Variants in PTPRD observed in about 807,000 individuals in gnomAD.
PTPRD encodes protein tyrosine phosphatase receptor type D.
In PTPRD, 34 loss-of-function variants were observed where a neutral mutation model predicts 214.5. The observed-to-expected ratio is 0.16, with a 90% CI of 0.12 to 0.21. PTPRD has a LOEUF of 0.21. PTPRD is among the 10% of genes least tolerant of loss of function. PTPRD has a pLI of 1.00. For synonymous variants in PTPRD, 1,128 were observed against 845.7 expected (o/e 1.33, Z -5.79); for missense variants, 2,545 against 2,398.7 (o/e 1.06, Z -1.27).
chr9:9,471,613 A>G (rs1291709164), intron 8 of PTPRD, among the ~76,000 whole-genome samples: 7 of 152,154 alleles, frequency 4.6e-5, no homozygotes, highest in Admixed American at 1.3e-4. Context: ...ATGTTTTTGT[A>G]TTCCTGATCA....
intron 5 of PTPRD, among the ~76,000 whole-genome samples, chr9:9,900,156 TC>T (rs1213862219): frequency 6.6e-6 from 1 of 152,170 alleles, no homozygotes; most frequent in Non-Finnish European, 1.5e-5. Flanking sequence ...ACTCCTTCCT[TC>T]CCTACCACAT....
At chr9:10,280,445 A>T (rs1312574114) in intron 3 of PTPRD, among the ~76,000 whole-genome samples, 1 of 152,118 alleles carries the variant, frequency 6.6e-6, no homozygotes, top group Admixed American at 6.6e-5. Flanking sequence ...CACCAAATTC[A>T]GAATGATTAG....
At chr9:10,275,522 T>A (rs900265853) in intron 3 of PTPRD, among the ~76,000 whole-genome samples, 1 of 152,132 alleles carries the variant, frequency 6.6e-6, no homozygotes, top group Non-Finnish European at 1.5e-5. Context: ...CCATAACTGG[T>A]ATTATAATCA....
intron 11 of PTPRD, among the ~76,000 whole-genome samples, chr9:8,762,602 T>C (rs2094479276): frequency 6.6e-6 from 1 of 152,142 alleles, no homozygotes; most frequent in Admixed American, 6.5e-5. Flanking sequence ...AACGGGCTCC[T>C]TCAATAGAAA....
chr9:9,763,287 T>C (rs1227161039), intron 6 of PTPRD, among the ~76,000 whole-genome samples: 1 of 152,126 alleles, frequency 6.6e-6, no homozygotes, highest in Non-Finnish European at 1.5e-5. Context: ...GATGGGTGTG[T>C]TTCTTTTCAG....
chr9:8,368,694 T>G (rs1027817119), intron 39 of PTPRD, among the ~76,000 whole-genome samples: 18 of 149,228 alleles, frequency 1.2e-4, no homozygotes, highest in Non-Finnish European at 2.7e-4. Context: ...TTTTTTTTTT[T>G]GGTTCCATTA....
chr9:10,505,321 A>G (rs1350421540), intron 2 of PTPRD, among the ~76,000 whole-genome samples: 1 of 152,172 alleles, frequency 6.6e-6, no homozygotes, highest in Admixed American at 6.6e-5. Flanking sequence ...GTCTCATTAT[A>G]TATGATATTT....
chr9:10,418,076 T>G lies in PTPRD; in HGVS notation c.-599-77059A>C, dbSNP rs190934109. On this transcript the variant is annotated intron_variant, in intron 2 of 45. Coordinates refer to ENST00000381196, the MANE Select transcript of PTPRD (RefSeq NM_002839.4). ...ACAAACGATTAAGTAATTTAGATTT[T>G]TTTAAATTAAAACTACAAGGCAAAG... is the stretch of plus-strand genomic sequence containing the variant. Among the ~76,000 whole-genome samples, 216 of 151,994 alleles carry G rather than the reference T, an allele frequency of 1.4e-3. 1 individual carries two copies. The highest frequency in any genetic ancestry group is 5.8e-3 in the South Asian group (28 of 4,826).
intron 11 of PTPRD, among the ~76,000 whole-genome samples, chr9:8,849,326 C>T (rs2097768414): frequency 6.6e-6 from 1 of 152,004 alleles, no homozygotes; most frequent in Non-Finnish European, 1.5e-5. Flanking sequence ...TAGGCAAGTG[C>T]CACCATGTCC....
At chr9:9,273,536 C>G (rs760994728) in intron 9 of PTPRD, among the ~76,000 whole-genome samples, 1 of 151,236 alleles carries the variant, frequency 6.6e-6, no homozygotes, top group Non-Finnish European at 1.5e-5. Context: ...ATTTACTATT[C>G]TAATGGAATT....
Position 9,644,339 on chromosome 9 carries a change from AGTT to A in PTPRD, c.-286-69561_-286-69559del, listed in dbSNP as rs1248933850. On this transcript the variant is annotated intron_variant, in intron 7 of 45. Transcript: ENST00000381196. ...GCTTTTGTGGTTTTCTGGGCTTCTC[AGTT>A]GATTTAATGCAGCAGAAATCAGATA... is the stretch of plus-strand genomic sequence containing the variant. Among the ~76,000 whole-genome samples, 7 of 152,268 alleles carry A rather than the reference AGTT, an allele frequency of 4.6e-5. No individual in the cohort carries two copies. In the East Asian group the frequency reaches 1.4e-3, roughly 29 times the overall value.
chr9:9,542,172 G>A (rs978050914), intron 8 of PTPRD, among the ~76,000 whole-genome samples: 1 of 151,690 alleles, frequency 6.6e-6, no homozygotes, highest in Non-Finnish European at 1.5e-5. Flanking sequence ...TGCTATCAGG[G>A]AAGAAAGATT....
chr9:10,511,932 G>A (rs1327588678), intron 2 of PTPRD, among the ~76,000 whole-genome samples: 2 of 75,482 alleles, frequency 2.6e-5, no homozygotes, highest in Non-Finnish European at 5.8e-5. Flanking sequence ...ATATATATAC[G>A]TGTATATATA....
chr9:8,389,460 A>G (rs2135677465), intron 36 of PTPRD, 53 bp from the exon 37 acceptor site: 2 of 1,412,206 alleles, frequency 1.4e-6, no homozygotes, highest in Non-Finnish European at 1.9e-6. Flanking sequence ...AAGAGGAAAC[A>G]GCCTGGGACA....
chr9:9,836,020 TACAAGGA>T (rs2056646006), intron 5 of PTPRD, among the ~76,000 whole-genome samples: 1 of 152,170 alleles, frequency 6.6e-6, no homozygotes, highest in Non-Finnish European at 1.5e-5. Flanking sequence ...ATTCTTCTAG[TACAAGGA>T]ACTTTTAAAA....
chr9:9,883,688 T>A (rs2069657896), intron 5 of PTPRD, among the ~76,000 whole-genome samples: 1 of 152,194 alleles, frequency 6.6e-6, no homozygotes, highest in African/African-American at 2.4e-5. Flanking sequence ...GCCTCACATG[T>A]ACTCTATCTA....
intron 7 of PTPRD, among the ~76,000 whole-genome samples, chr9:9,590,723 T>C (rs1486873410): frequency 1.3e-5 from 2 of 151,980 alleles, no homozygotes; most frequent in Non-Finnish European, 2.9e-5. Context: ...AAAATCTGAA[T>C]CTTAGGCATA....
intron 11 of PTPRD, among the ~76,000 whole-genome samples, chr9:8,814,741 G>A (rs549296512): frequency 1.1e-4 from 16 of 152,294 alleles, no homozygotes; most frequent in African/African-American, 3.4e-4. Context: ...TGGAAAAGTG[G>A]TGCCATACAT....
In PTPRD at chr9:8,545,199, A is replaced by G. The variant is rs72696616; in HGVS notation, c.353-16420T>C. 3.3e-3 allele frequency among the ~76,000 whole-genome samples: 495 copies of G among 152,270 alleles called. 1 individual carries two copies. The highest frequency in any genetic ancestry group is 4.0e-3 in the Non-Finnish European group (272 of 68,018). On this transcript the variant is annotated intron_variant, in intron 14 of 45. Coordinates refer to ENST00000381196, the MANE Select transcript of PTPRD (RefSeq NM_002839.4). ...CCAGAAATAATTTTTGTTGATTTTC[A>G]AATTCATTTCCCAACATCATGGATA...
Sources: gnomAD v4.1 joint callset for allele counts (sites outside exome capture counted in the v4.1 genomes callset) on GRCh38, gnomAD v4.1.1 for gene constraint, MANE v1.5 for transcripts, NCBI Gene and HGNC (gene_info 2026-07-23, HGNC 2026-07-21) for gene names.